The following CHEK2 variants were observed in gnomAD, a reference collection of about 807,000 sequenced individuals.
CHEK2 encodes checkpoint kinase 2.
CHEK2 carries 71 observed loss-of-function variants against 69.1 expected under a neutral mutation model. That is an observed-to-expected ratio of 1.03 (90% confidence interval 0.85 to 1.25). The LOEUF (loss-of-function observed/expected upper bound fraction) is 1.25, where lower values mean the gene tolerates loss of function less well. Among genes scored for constraint, CHEK2 ranks in the 50% most tolerant of loss-of-function variants. The pLI is 0.00. For missense variants in CHEK2, 664 were observed against 649.6 expected, an observed-to-expected ratio of 1.02 and a Z score of -0.24; for synonymous variants, 189 against 226.9, an observed-to-expected ratio of 0.83 and a Z score of 1.50.
At chr22:28,700,189 T>C (rs970840528) in intron 8 of CHEK2, among the ~76,000 whole-genome samples, 39 of 150,574 alleles carry the variant, frequency 2.6e-4, no homozygotes, top group African/African-American at 9.0e-4. Flanking sequence ...TTCAGTAGCT[T>C]GGAAGTGGGG....
chr22:28,711,676 A>G (rs1191848729), intron 6 of CHEK2, among the ~76,000 whole-genome samples: 4 of 152,186 alleles, frequency 2.6e-5, no homozygotes, highest in Admixed American at 1.3e-4. Context: ...AAAACTTCCC[A>G]CTATGCTCAT....
chr22:28,719,755 A>G (rs2053707556), intron 4 of CHEK2, among the ~76,000 whole-genome samples: 1 of 152,172 alleles, frequency 6.6e-6, no homozygotes. Flanking sequence ...AATCCGTAAC[A>G]CAACATTATT....
rs1364123342 is a variant in CHEK2, at chr22:28,706,296, GCTCA to G, written c.847-2734_847-2731del. Among the ~76,000 whole-genome samples the G allele has an allele frequency of 1.9e-4, 21 of 109,102 alleles. No individual in the cohort carries two copies. In the South Asian group the frequency reaches 7.8e-3, roughly 41 times the overall value. 71.6% of individuals were successfully genotyped at this position (109,102 alleles called of 152,430 possible). A position where few individuals can be genotyped will look rare whatever the true frequency, so the allele number is the denominator to read the frequency against. ...AGCCTGGCAACAGAGCAACACTCCAGCTCACACACACACACACACACACACACAC... is the reference window on the plus strand; with the variant it reads ...AGCCTGGCAACAGAGCAACACTCCAGCACACACACACACACACACACACAC... On this transcript the variant is annotated intron_variant, in intron 7 of 14. Coordinates refer to ENST00000404276, the MANE Select transcript of CHEK2 (RefSeq NM_007194.4).
At chr22:28,724,022 T>A (rs1180190741) in intron 4 of CHEK2, among the ~76,000 whole-genome samples, 1 of 152,152 alleles carries the variant, frequency 6.6e-6, no homozygotes, top group Non-Finnish European at 1.5e-5. Context: ...ATTAATGGCC[T>A]GAAACAACAA....
At chr22:28,734,335 C>T (rs2146141911) in intron 2 of CHEK2, 68 bp downstream of exon 2, 1 of 1,495,654 alleles carries the variant, frequency 6.7e-7, no homozygotes, top group African/African-American at 1.4e-5. Context: ...AACCTTCCAC[C>T]TGGTAATACA....
intron 8 of CHEK2, among the ~76,000 whole-genome samples, chr22:28,702,121 T>TTGTGTG (rs1220287391): frequency 7.5e-5 from 5 of 66,354 alleles, no homozygotes; most frequent in African/African-American, 1.4e-4. Flanking sequence ...CCGGCTAATT[T>TTGTGTG]TGTGTGTGTG....
chr22:28,710,667 A>C (rs1415902118), intron 6 of CHEK2, among the ~76,000 whole-genome samples: 1 of 152,186 alleles, frequency 6.6e-6, no homozygotes. Context: ...AAAAGGATGA[A>C]TCAAGTAACT....
At chr22:28,690,016 C>G (rs540754157) in intron 13 of CHEK2, among the ~76,000 whole-genome samples, 11 of 152,196 alleles carry the variant, frequency 7.2e-5, no homozygotes, top group African/African-American at 2.7e-4. Flanking sequence ...AGAAGCCCAG[C>G]TCAGCCACTC....
At chr22:28,709,963 T>G in intron 7 of CHEK2, 43 bp downstream of exon 7, 1 of 1,117,750 alleles carries the variant, frequency 8.9e-7, no homozygotes, top group South Asian at 1.3e-5. Flanking sequence ...TCTCATATTT[T>G]GAGATAGATA....
At chr22:28,737,369 C>A in intron 1 of CHEK2, 1 of 427,186 alleles carries the variant, frequency 2.3e-6, no homozygotes. Flanking sequence ...TTACAATATC[C>A]AAATTGCCAG....
rs587781982 is a variant in CHEK2 at position 28,725,337 on chromosome 22, C to T, written c.350G>A (p.Arg117Lys). 5.0e-6 allele frequency: 8 copies of T among 1,613,916 alleles called. No individual in the cohort carries two copies. Among genetic ancestry groups the T allele is most frequent in the Non-Finnish European group, 6.8e-6 (8 of 1,179,990 alleles). ...AAAGCAATATTCACAGCTTTTGTCC[C>T]TCCCAAACCAGTAGTTGTCATTCAC... ...ECVNDNYWFG[R>K]DKSCEYCFDE... The change falls in exon 3 of 15, where the codon AGG becomes AAG. Residue 117 changes from arginine to lysine, a missense_variant. Physicochemically the swap from Arg to Lys is conservative, Grantham distance 26 (BLOSUM62 2). Coordinates refer to ENST00000404276, the MANE Select transcript of CHEK2 (RefSeq NM_007194.4).
chr22:28,727,786 A>G (rs1287610681), intron 2 of CHEK2, among the ~76,000 whole-genome samples: 1 of 152,238 alleles, frequency 6.6e-6, no homozygotes, highest in East Asian at 1.9e-4. Context: ...GAAAATTCAG[A>G]AATCAAAAAC....
intron 2 of CHEK2, among the ~76,000 whole-genome samples, chr22:28,733,123 A>G (rs1272600785): frequency 6.6e-6 from 1 of 152,240 alleles, no homozygotes; most frequent in Non-Finnish European, 1.5e-5. Context: ...TATTTTAAAC[A>G]TATGCAGAGC....
intron 1 of CHEK2, among the ~76,000 whole-genome samples, chr22:28,736,111 G>A (rs1217244886): frequency 1.3e-5 from 2 of 152,022 alleles, no homozygotes; most frequent in Non-Finnish European, 2.9e-5. Context: ...GTTTAAAGGA[G>A]GCTAGGCTAA....
chr22:28,713,338 T>C (rs1300625467), intron 5 of CHEK2, among the ~76,000 whole-genome samples: 1 of 151,766 alleles, frequency 6.6e-6, no homozygotes, highest in Admixed American at 6.6e-5. Flanking sequence ...CTAAAGCTGC[T>C]ATGAACATTT....
intron 5 of CHEK2, chr22:28,712,222 T>C: frequency 1.7e-6 from 1 of 589,748 alleles, no homozygotes; most frequent in South Asian, 2.0e-5. Flanking sequence ...CAGCTCCAAA[T>C]TCCATTTCTG....
chr22:28,698,138 C>A (rs1335440248), intron 9 of CHEK2, among the ~76,000 whole-genome samples: 1 of 149,214 alleles, frequency 6.7e-6, no homozygotes, highest in Non-Finnish European at 1.5e-5. Flanking sequence ...TGCCTGTAAT[C>A]CTAGCACTTT....
At chr22:28,738,605 T>C (rs1473771499) in intron 1 of CHEK2, among the ~76,000 whole-genome samples, 1 of 151,940 alleles carries the variant, frequency 6.6e-6, no homozygotes, top group Non-Finnish European at 1.5e-5. Context: ...TGCAGAGAAG[T>C]GAGTGAAAAA....
At chr22:28,720,618 C>G in intron 4 of CHEK2, among the ~76,000 whole-genome samples, 1 of 152,192 alleles carries the variant, frequency 6.6e-6, no homozygotes, top group Middle Eastern at 3.4e-3. Context: ...GTTTTGACCT[C>G]CCTAGAATAA....
Sources: allele counts gnomAD v4.1 joint callset (sites outside exome capture counted in the v4.1 genomes callset), GRCh38; gene constraint gnomAD v4.1.1; transcripts MANE v1.5; gene names NCBI Gene and HGNC (gene_info 2026-07-23, HGNC 2026-07-21).